Variants in CREB3L2 observed in about 807,000 individuals in gnomAD.
The protein encoded by CREB3L2 is cAMP responsive element binding protein 3 like 2.
In CREB3L2, 23 loss-of-function variants were observed where a neutral mutation model predicts 57.2. That is an observed-to-expected ratio of 0.40 (90% confidence interval 0.29 to 0.57). The LOEUF (loss-of-function observed/expected upper bound fraction) is 0.57, where lower values mean the gene tolerates loss of function less well. Among genes scored for constraint, CREB3L2 ranks in the 20% least tolerant of loss-of-function variants. CREB3L2 has a pLI of 0.42. For synonymous variants in CREB3L2, 268 were observed against 265.1 expected, an observed-to-expected ratio of 1.01 and a Z score of -0.11; for missense variants, 628 against 634.7, an observed-to-expected ratio of 0.99 and a Z score of 0.11.
At chr7:137,970,469 A>G (rs1052208110) in intron 1 of CREB3L2, among the ~76,000 whole-genome samples, 3 of 152,206 alleles carry the variant, frequency 2.0e-5, no homozygotes, top group Admixed American at 1.3e-4. Context: ...TCTCCACCAA[A>G]TAAAGTTCCT....
intron 1 of CREB3L2, among the ~76,000 whole-genome samples, chr7:137,994,765 G>A (rs1801958694): frequency 1.3e-5 from 2 of 152,114 alleles, no homozygotes; most frequent in Non-Finnish European, 2.9e-5. Context: ...GGCAACATAA[G>A]GAGACCCTGT....
chr7:137,875,440 C>A lies in CREB3L2; in HGVS notation c.*5036G>T, dbSNP rs566379719. 6 of 221,610 alleles carry A rather than the reference C, an allele frequency of 2.7e-5. No homozygotes were observed. The highest frequency in any genetic ancestry group is 6.7e-5 in the African/African-American group (3 of 44,822). The allele number at this position is 221,610 out of a possible 1,614,324, so 13.7% of individuals were successfully genotyped here. A position where few individuals can be genotyped will look rare whatever the true frequency, so the allele number is the denominator to read the frequency against. On this transcript the variant is annotated 3_prime_UTR_variant, in exon 12 of 12. Transcript: ENST00000330387. Reference sequence around the variant, plus strand: ...TTCATGTTCTCACTCAGCTGGTGAGCGAAGGATGGGAGCAGAGAACAGAGC... The same window carrying A: ...TTCATGTTCTCACTCAGCTGGTGAGAGAAGGATGGGAGCAGAGAACAGAGC...
intron 1 of CREB3L2, among the ~76,000 whole-genome samples, chr7:137,969,814 G>A (rs1170242349): frequency 1.9e-5 from 2 of 103,314 alleles, no homozygotes; most frequent in East Asian, 3.5e-4. Context: ...TACGCAGAAA[G>A]ACAGAAAAAT....
rs927718397 is a variant in CREB3L2, at chr7:137,987,612, G to C, written c.102+13992C>G. 9.8e-5 allele frequency among the ~76,000 whole-genome samples: 15 copies of C among 152,330 alleles called. No homozygotes were observed. In the East Asian group the frequency reaches 2.7e-3, roughly 27 times the overall value. On this transcript the variant is annotated intron_variant, in intron 1 of 11. Coordinates refer to ENST00000330387, the MANE Select transcript of CREB3L2 (RefSeq NM_194071.4). ...ATGGTGGGACAGGTTTTGTGTGTTG[G>C]GGAGACAAGAGATACACGGGAGCTT...
chr7:137,998,146 T>C (rs1802021960), intron 1 of CREB3L2, among the ~76,000 whole-genome samples: 1 of 152,230 alleles, frequency 6.6e-6, no homozygotes, highest in African/African-American at 2.4e-5. Context: ...ACTCTGAACC[T>C]GTCTGCCTTT....
At chr7:137,999,379 TAC>T (rs60762009) in intron 1 of CREB3L2, among the ~76,000 whole-genome samples, 1,984 of 142,394 alleles carry the variant, frequency 0.014, 34 homozygotes, top group East Asian at 0.05. Context: ...TATGTTCCCC[TAC>T]ACACACACAC....
intron 8 of CREB3L2, among the ~76,000 whole-genome samples, chr7:137,895,358 G>C (rs778161402): frequency 6.6e-6 from 1 of 152,232 alleles, no homozygotes. Flanking sequence ...TTTCTTGATG[G>C]AGCACAGGAA....
intron 1 of CREB3L2, among the ~76,000 whole-genome samples, chr7:137,931,521 CAA>C (rs59161952): frequency 0.044 from 2,653 of 60,940 alleles, 50 homozygotes; most frequent in African/African-American, 0.12. Context: ...GACTCCGTCT[CAA>C]AAAAAAAAAA....
Position 137,879,486 on chromosome 7 carries a change from G to C in CREB3L2, c.*990C>G, listed in dbSNP as rs1202478952. 1.1e-5 allele frequency: 4 copies of C among 357,740 alleles called. No individual in the cohort carries two copies. Among genetic ancestry groups the C allele is most frequent in the Non-Finnish European group, 2.1e-5 (4 of 189,510 alleles). 22.2% of individuals were successfully genotyped at this position (357,740 alleles called of 1,614,324 possible). ...GAGCCCGGGGCCTGAGTGAGGCATT[G>C]TGTCATCTCTCGCTCTGAGCTCATC... On this transcript the variant is annotated 3_prime_UTR_variant, in exon 12 of 12. Coordinates refer to ENST00000330387, the MANE Select transcript of CREB3L2 (RefSeq NM_194071.4).
intron 1 of CREB3L2, chr7:137,957,877 A>G: frequency 1.2e-6 from 1 of 855,330 alleles, no homozygotes; most frequent in Non-Finnish European, 1.7e-6. Context: ...TTTTTGCTGT[A>G]TCACAGGGTG....
chr7:137,926,986 C>A (rs1013059563), intron 2 of CREB3L2, among the ~76,000 whole-genome samples: 1 of 151,688 alleles, frequency 6.6e-6, no homozygotes, highest in Non-Finnish European at 1.5e-5. Flanking sequence ...CCCATTTCTA[C>A]AAAAAAATAA....
intron 1 of CREB3L2, among the ~76,000 whole-genome samples, chr7:137,998,890 G>A (rs1802032548): frequency 6.6e-6 from 1 of 152,182 alleles, no homozygotes; most frequent in South Asian, 2.1e-4. Flanking sequence ...CATGTGGTCA[G>A]CCCTGCCTTT....
Position 137,876,293 on chromosome 7 carries a change from TTTA to T in CREB3L2, c.*4180_*4182del. 2 of 232,194 alleles carry T rather than the reference TTTA, an allele frequency of 8.6e-6. No individual in the cohort carries two copies. Among genetic ancestry groups the T allele is most frequent in the Non-Finnish European group, 1.7e-5 (2 of 117,590 alleles). 14.4% of individuals were successfully genotyped at this position (232,194 alleles called of 1,614,324 possible). A position where few individuals can be genotyped will look rare whatever the true frequency, so the allele number is the denominator to read the frequency against. ...ATCCTGGATTTACCTATAAGGCACA[TTTA>T]AGGCACAAATGAGCATGTAAGGGAG... On this transcript the variant is annotated 3_prime_UTR_variant, in exon 12 of 12. Coordinates refer to ENST00000330387, the MANE Select transcript of CREB3L2 (RefSeq NM_194071.4).
At chr7:137,959,844 T>A (rs1187488314) in intron 1 of CREB3L2, among the ~76,000 whole-genome samples, 1 of 152,226 alleles carries the variant, frequency 6.6e-6, no homozygotes, top group Non-Finnish European at 1.5e-5. Flanking sequence ...GGTAATGTAA[T>A]TACTGGTTCA....
In CREB3L2 at chr7:137,899,128, G is replaced by GA. The variant is rs1563244050; in HGVS notation, c.1043+2225_1043+2226insT. ...AGGAAGGAAGGAAGGAAGGAAGGAA[G>GA]GAAGGAAGGAAGGAAGGAAGGAAGG... On this transcript the variant is annotated intron_variant, in intron 8 of 11. Transcript: ENST00000330387. Among the ~76,000 whole-genome samples, 83 of 145,660 alleles carry GA rather than the reference G, an allele frequency of 5.7e-4. No homozygotes were observed. In the East Asian group the frequency reaches 7.6e-3, roughly 13 times the overall value.
chr7:137,935,462 C>T (rs959394634), intron 1 of CREB3L2, among the ~76,000 whole-genome samples: 3 of 152,234 alleles, frequency 2.0e-5, no homozygotes, highest in Admixed American at 6.5e-5. Context: ...ATTGATCTCT[C>T]ATTTCCCTAA....
intron 1 of CREB3L2, among the ~76,000 whole-genome samples, chr7:137,935,627 T>C (rs1467351332): frequency 6.6e-6 from 1 of 152,146 alleles, no homozygotes; most frequent in African/African-American, 2.4e-5. Context: ...TCTCTGGACC[T>C]AGCCCAGATC....
chr7:137,979,150 T>C (rs1471772301), intron 1 of CREB3L2, among the ~76,000 whole-genome samples: 1 of 152,202 alleles, frequency 6.6e-6, no homozygotes, highest in Non-Finnish European at 1.5e-5. Flanking sequence ...AGGGGAAAGA[T>C]CTGTGTTGAA....
chr7:137,925,653 G>C (rs1800437128), intron 2 of CREB3L2, among the ~76,000 whole-genome samples: 1 of 152,084 alleles, frequency 6.6e-6, no homozygotes. Flanking sequence ...GGGTTCACAT[G>C]AATAAAATAA....
Sources: gnomAD v4.1 joint callset for allele counts (sites outside exome capture counted in the v4.1 genomes callset) on GRCh38, gnomAD v4.1.1 for gene constraint, MANE v1.5 for transcripts, NCBI Gene and HGNC (gene_info 2026-07-23, HGNC 2026-07-21) for gene names.